PPARGC1A: variants seen among roughly 807,000 people sequenced by gnomAD.
PPARGC1A encodes the protein PPARG coactivator 1 alpha.
Under a neutral mutation model 88.7 loss-of-function variants are expected in PPARGC1A, and 25 were observed. The observed-to-expected ratio is 0.28, with a 90% CI of 0.21 to 0.39. PPARGC1A has a LOEUF of 0.39. Ranked by LOEUF, PPARGC1A falls within the 10% of genes least tolerant of loss-of-function variation. The pLI is 1.00. For missense variants in PPARGC1A, 880 were observed against 968.7 expected (o/e 0.91, Z 1.22); for synonymous variants, 363 against 355.6 (o/e 1.02, Z -0.24).
chr4:24,049,308 G>GTGTGTATATATATATA, the PPARGC1A span, among the ~76,000 whole-genome samples: 6 of 139,548 alleles, frequency 4.3e-5, no homozygotes, highest in Admixed American at 7.3e-5. Flanking sequence ...ATATATGTGT[G>GTGTGTATATATATATA]TATATATATA....
the PPARGC1A span, among the ~76,000 whole-genome samples, chr4:24,185,920 A>C: frequency 6.6e-6 from 1 of 152,030 alleles, no homozygotes; most frequent in Admixed American, 6.6e-5. Context: ...AAGTGGTAAA[A>C]GCATTATATG....
At chr4:24,468,779 T>G in the PPARGC1A span, among the ~76,000 whole-genome samples, 2 of 152,350 alleles carry the variant, frequency 1.3e-5, no homozygotes, top group South Asian at 4.1e-4. Flanking sequence ...ATTATTTTTT[T>G]TTTACTTGCT....
At chr4:23,986,522 C>T in the PPARGC1A span, among the ~76,000 whole-genome samples, 1 of 152,098 alleles carries the variant, frequency 6.6e-6, no homozygotes, top group African/African-American at 2.4e-5. Flanking sequence ...GAGCACTAGA[C>T]TTTTTCCTGC....
rs562309613 is a variant in PPARGC1A at position 23,830,698 on chromosome 4, C to T, written c.429+859G>A. On this transcript the variant is annotated intron_variant, in intron 3 of 12. Coordinates refer to ENST00000264867, the MANE Select transcript of PPARGC1A (RefSeq NM_013261.5). ...GATATTAGAGTCTGGAGGATCATGG[C>T]ATCCCATAATTTACACAGCATGTCC... is the stretch of plus-strand genomic sequence containing the variant. Among the ~76,000 whole-genome samples, 21 of 152,282 alleles carry T rather than the reference C, an allele frequency of 1.4e-4. No homozygotes were observed. In the South Asian group the frequency reaches 3.5e-3, roughly 26 times the overall value.
chr4:23,920,859 C>T, the PPARGC1A span, among the ~76,000 whole-genome samples: 1 of 152,118 alleles, frequency 6.6e-6, no homozygotes, highest in African/African-American at 2.4e-5. Flanking sequence ...GAGGTTCCTC[C>T]CATTCTTCAA....
chr4:23,885,020 C>G, intron 1 of PPARGC1A, 89 bp from the exon 2 acceptor site: 1 of 1,171,364 alleles, frequency 8.5e-7, no homozygotes, highest in Non-Finnish European at 1.1e-6. Flanking sequence ...AGGAATTAAG[C>G]CTAGTTAATT....
At chr4:24,346,408 CCTGGACTTTTTT>C in the PPARGC1A span, among the ~76,000 whole-genome samples, 1 of 152,012 alleles carries the variant, frequency 6.6e-6, no homozygotes, top group African/African-American at 2.4e-5. Flanking sequence ...TCCTTCTGGT[CCTGGACTTTTTT>C]TGTTAGTAAA....
At chr4:23,988,595 A>G in the PPARGC1A span, among the ~76,000 whole-genome samples, 5 of 151,026 alleles carry the variant, frequency 3.3e-5, no homozygotes, top group Non-Finnish European at 7.4e-5. Context: ...TGTACTGAAG[A>G]TTAATTAAAT....
At chr4:24,430,114 A>C in the PPARGC1A span, among the ~76,000 whole-genome samples, 1 of 152,272 alleles carries the variant, frequency 6.6e-6, no homozygotes, top group Non-Finnish European at 1.5e-5. Flanking sequence ...GCACTTTTTA[A>C]AACTTTTCTG....
chr4:24,467,275 G>A, the PPARGC1A span, among the ~76,000 whole-genome samples: 5 of 152,242 alleles, frequency 3.3e-5, no homozygotes, highest in Non-Finnish European at 7.3e-5. Flanking sequence ...TATGTGAAAA[G>A]TGGGGTTCTG....
At chr4:24,269,656 T>TTTA in the PPARGC1A span, among the ~76,000 whole-genome samples, 7 of 71,900 alleles carry the variant, frequency 9.7e-5, no homozygotes, top group Admixed American at 2.8e-4. Flanking sequence ...ATCATCACAC[T>TTTA]TTATTATCAT....
At chr4:23,939,815 C>T in the PPARGC1A span, among the ~76,000 whole-genome samples, 1 of 152,144 alleles carries the variant, frequency 6.6e-6, no homozygotes, top group South Asian at 2.1e-4. Flanking sequence ...TCTACAAGAA[C>T]AATGAGGCCC....
At chr4:23,895,834 T>A (rs924935216) in intron 1 of PPARGC1A, among the ~76,000 whole-genome samples, 3 of 151,986 alleles carry the variant, frequency 2.0e-5, no homozygotes, top group Non-Finnish European at 2.9e-5. Context: ...TACAAAGATT[T>A]TTCATATTAG....
intron 3 of PPARGC1A, among the ~76,000 whole-genome samples, chr4:23,830,503 T>C (rs1724806822): frequency 1.3e-5 from 2 of 152,198 alleles, no homozygotes; most frequent in South Asian, 4.1e-4. Flanking sequence ...CACTAACAAA[T>C]GGAGAAATTG....
chr4:24,348,678 C>T, the PPARGC1A span, among the ~76,000 whole-genome samples: 3 of 152,020 alleles, frequency 2.0e-5, no homozygotes, highest in Non-Finnish European at 1.5e-5. Context: ...TTTCTTTAAG[C>T]TGTCTATTTC....
chr4:24,216,579 AGTTTTT>A, the PPARGC1A span, among the ~76,000 whole-genome samples: 5 of 152,038 alleles, frequency 3.3e-5, no homozygotes, highest in Admixed American at 6.5e-5. Flanking sequence ...TTTGCCCTTC[AGTTTTT>A]GTTTTTGTTC....
At chr4:23,823,291 C>A (rs932314958) in intron 7 of PPARGC1A, among the ~76,000 whole-genome samples, 11 of 151,782 alleles carry the variant, frequency 7.2e-5, no homozygotes, top group Non-Finnish European at 1.3e-4. Context: ...AAAGTGGCTA[C>A]CATCTATAAT....
the PPARGC1A span, among the ~76,000 whole-genome samples, chr4:24,440,829 A>C: frequency 1.3e-5 from 2 of 151,810 alleles, no homozygotes; most frequent in Non-Finnish European, 2.9e-5. Flanking sequence ...AACAAAAAAA[A>C]ACAACTCTTA....
the PPARGC1A span, among the ~76,000 whole-genome samples, chr4:24,246,014 A>C: frequency 6.6e-6 from 1 of 151,804 alleles, no homozygotes. Flanking sequence ...AATGCTCTCT[A>C]TGAATAATTT....
Sources: gnomAD v4.1 joint callset for allele counts (sites outside exome capture counted in the v4.1 genomes callset) on GRCh38, gnomAD v4.1.1 for gene constraint, MANE v1.5 for transcripts, NCBI Gene and HGNC (gene_info 2026-07-23, HGNC 2026-07-21) for gene names.